Variants in IRF2 observed in about 807,000 individuals in gnomAD.
IRF2 encodes interferon regulatory factor 2.
In IRF2, 15 loss-of-function variants were observed where a neutral mutation model predicts 40.6. That is an observed-to-expected ratio of 0.37 (90% CI 0.25 to 0.57). The LOEUF (loss-of-function observed/expected upper bound fraction) is 0.57. Ranked by LOEUF, IRF2 falls within the 20% of genes least tolerant of loss-of-function variation. The pLI, the probability that IRF2 is intolerant of heterozygous loss-of-function variation, is 0.77. For missense variants in IRF2, 317 were observed against 455.7 expected (o/e 0.70, Z 2.77); for synonymous variants, 151 against 165.5 (o/e 0.91, Z 0.67).
intron 1 of IRF2, 113 bp from the exon 2 acceptor site, chr4:184,429,183 G>T: frequency 6.6e-5 from 40 of 610,584 alleles, no homozygotes; most frequent in East Asian, 7.5e-5. Context: ...TGGGGCTGGG[G>T]ACCAGGGGGC....
intron 7 of IRF2, among the ~76,000 whole-genome samples, chr4:184,395,518 A>G (rs1467611524): frequency 2.0e-5 from 3 of 152,034 alleles, no homozygotes; most frequent in Admixed American, 6.6e-5. Flanking sequence ...GGCCGACTCT[A>G]CTGGAGAACA....
chr4:184,451,016 TGTC>T (rs1413144826), intron 1 of IRF2, among the ~76,000 whole-genome samples: 1 of 152,204 alleles, frequency 6.6e-6, no homozygotes, highest in African/African-American at 2.4e-5. Context: ...ACACAGGAAT[TGTC>T]TGGCAAGTTT....
chr4:184,471,440 TG>T (rs1335368532), intron 1 of IRF2, among the ~76,000 whole-genome samples: 2 of 152,228 alleles, frequency 1.3e-5, no homozygotes, highest in African/African-American at 4.8e-5. Context: ...TTATTGAGTG[TG>T]TACATAAATT....
rs1367364942 is a variant in IRF2 at position 184,418,652 on chromosome 4, T to C, written c.244A>G (p.Arg82Gly). 6.2e-7 allele frequency: 1 copy of C among 1,614,122 alleles called. No homozygotes were observed. The highest frequency in any genetic ancestry group is 8.5e-7 in the Non-Finnish European group (1 of 1,179,932). Reference protein sequence around the residue: ...PDPKTWKANFRCAMNSLPDIE... With the variant: ...PDPKTWKANFGCAMNSLPDIE... ...TCAGGCAAGGAATTCATGGCGCATC[T>C]GAAATTCGCCTTCCATGTTTTGGGA... Residue 82 changes from arginine to glycine, a missense_variant, in exon 4 of 9, where the codon AGA (arginine) becomes GGA (glycine). Transcript: ENST00000393593.
intron 6 of IRF2, among the ~76,000 whole-genome samples, chr4:184,401,522 C>T (rs957862752): frequency 1.3e-5 from 2 of 152,134 alleles, no homozygotes; most frequent in African/African-American, 4.8e-5. Flanking sequence ...CTCCCAAGCC[C>T]ATTTATTTCA....
intron 1 of IRF2, among the ~76,000 whole-genome samples, chr4:184,440,591 G>A (rs567959821): frequency 9.8e-5 from 15 of 152,330 alleles, no homozygotes; most frequent in Admixed American, 3.3e-4. Context: ...GCAGATGGGC[G>A]GCTGATCGCC....
At chr4:184,417,732 T>C (rs1228786343) in intron 5 of IRF2, among the ~76,000 whole-genome samples, 1 of 152,254 alleles carries the variant, frequency 6.6e-6, no homozygotes, top group Non-Finnish European at 1.5e-5. Flanking sequence ...CCAAAGGGCC[T>C]GTGACGGAAT....
intron 3 of IRF2, 147 bp downstream of exon 3, chr4:184,419,322 C>A: frequency 1.6e-6 from 1 of 644,650 alleles, no homozygotes. Flanking sequence ...AGTTTGTACC[C>A]CATGTGTCCT....
intron 1 of IRF2, among the ~76,000 whole-genome samples, chr4:184,473,380 G>A (rs2149922548): frequency 6.8e-6 from 1 of 147,662 alleles, no homozygotes; most frequent in East Asian, 2.0e-4. Context: ...CGCGAGGCCG[G>A]CCGGGGGCGC....
chr4:184,450,575 T>C (rs1032894057), intron 1 of IRF2, among the ~76,000 whole-genome samples: 1 of 152,212 alleles, frequency 6.6e-6, no homozygotes, highest in Non-Finnish European at 1.5e-5. Context: ...TAAGTAGCCA[T>C]TTAAAAGTAT....
At chr4:184,393,181 C>A (rs1736320594) in intron 7 of IRF2, among the ~76,000 whole-genome samples, 1 of 152,222 alleles carries the variant, frequency 6.6e-6, no homozygotes, top group African/African-American at 2.4e-5. Flanking sequence ...CCAACTGAGA[C>A]AGCACAGAGG....
intron 1 of IRF2, among the ~76,000 whole-genome samples, chr4:184,460,643 ACACACACACACACATGCACGCG>A (rs1561128353): frequency 1.5e-5 from 2 of 133,938 alleles, no homozygotes; most frequent in African/African-American, 6.0e-5. Context: ...GCATGCACGC[ACACACACACACACATGCACGCG>A]CACACACACA....
At chr4:184,428,775 G>A (rs1165650382) in intron 2 of IRF2, 4 of 590,940 alleles carry the variant, frequency 6.8e-6, no homozygotes, top group South Asian at 3.3e-5. Context: ...CTCCAGCGTG[G>A]GCCATATAGT....
In IRF2 at chr4:184,473,344, G is replaced by A. The variant is rs552430478; in HGVS notation, c.-7+1035C>T. ...TCCCCGCCCCCACCTCGCCCGCTCC[G>A]TAGCCGAGGCGGGTCAGGCCCAGCG... On this transcript the variant is annotated intron_variant, in intron 1 of 8. Transcript: ENST00000393593. Among the ~76,000 whole-genome samples, 14 of 148,752 alleles carry A rather than the reference G, an allele frequency of 9.4e-5. No individual in the cohort carries two copies. In the East Asian group the frequency reaches 2.8e-3, roughly 30 times the overall value.
At chr4:184,443,856 CT>C (rs1738404598) in intron 1 of IRF2, among the ~76,000 whole-genome samples, 1 of 152,230 alleles carries the variant, frequency 6.6e-6, no homozygotes, top group African/African-American at 2.4e-5. Flanking sequence ...ATGACCACAA[CT>C]CCTGCTGAGA....
intron 2 of IRF2, 90 bp downstream of exon 2, chr4:184,428,888 T>C: frequency 9.8e-7 from 1 of 1,021,368 alleles, no homozygotes; most frequent in South Asian, 1.3e-5. Context: ...CCTAAGATTT[T>C]GAATACACAC....
chr4:184,422,328 G>A (rs1010777600), intron 2 of IRF2, among the ~76,000 whole-genome samples: 10 of 152,152 alleles, frequency 6.6e-5, no homozygotes, highest in East Asian at 3.9e-4. Flanking sequence ...CTCACACATC[G>A]CTGTGGAAAT....
Position 184,388,774 on chromosome 4 carries a change from CGG to C in IRF2, c.1032_1033del (p.Val346GlnfsTer7). 1.2e-6 allele frequency: 2 copies of C among 1,611,168 alleles called. No homozygotes were observed. Among genetic ancestry groups the C allele is most frequent in the Non-Finnish European group, 1.7e-6 (2 of 1,179,646 alleles). ...GTCAGAGGCTTAACAGCTCTTGACG[CGG>C]GCCTGGGTGATATCCGATGTTTTCT... On this transcript the variant is annotated frameshift_variant, in exon 9 of 9. Transcript: ENST00000393593. LOFTEE classifies it high-confidence loss of function. This position sits in a 1 kb window ranked among gnomAD's most constrained non-coding sequence, Gnocchi z 4.6.
chr4:184,398,273 A>T (rs964399818), intron 7 of IRF2, among the ~76,000 whole-genome samples: 5 of 152,142 alleles, frequency 3.3e-5, no homozygotes, highest in African/African-American at 1.2e-4. Flanking sequence ...CCATTAAAAC[A>T]CTCTGCCAAA....
Sources: gnomAD v4.1 joint callset for allele counts (sites outside exome capture counted in the v4.1 genomes callset) on GRCh38, gnomAD v4.1.1 for gene constraint, Gnocchi (gnomAD v3.1) non-coding constraint, MANE v1.5 for transcripts, NCBI Gene and HGNC (gene_info 2026-07-23, HGNC 2026-07-21) for gene names.